Variants in DOCK11 observed in about 807,000 individuals in gnomAD.
The protein encoded by DOCK11 is dedicator of cytokinesis protein 11.
In DOCK11, 70 loss-of-function variants were observed where a neutral mutation model predicts 169.1. That is an observed-to-expected ratio of 0.41 (90% CI 0.34 to 0.51). The LOEUF (loss-of-function observed/expected upper bound fraction) is 0.51, where lower values mean the gene tolerates loss of function less well. Ranked by LOEUF, DOCK11 falls within the 20% of genes least tolerant of loss-of-function variation. The probability of loss-of-function intolerance (pLI) is 0.10; values close to 1 mark genes in which losing one functional copy is unlikely to be tolerated. For missense variants in DOCK11, 1,166 were observed against 1,538.8 expected, an observed-to-expected ratio of 0.76 and a Z score of 4.05; for synonymous variants, 529 against 541.3, an observed-to-expected ratio of 0.98 and a Z score of 0.32.
At chrX:118,641,346 A>G in intron 39 of DOCK11, 41 bp downstream of exon 39, 1 of 989,657 alleles carries the variant, frequency 1.0e-6, no homozygotes. Flanking sequence ...ACCATTGCAA[A>G]GTAACATTAT....
intron 34 of DOCK11, among the ~76,000 whole-genome samples, chrX:118,629,711 C>T (rs930499570): frequency 5.4e-5 from 6 of 110,140 alleles, no homozygotes; most frequent in East Asian, 2.9e-4. Flanking sequence ...TGCAGTGACA[C>T]GATCAGTGCT....
At chrX:118,595,225 A>G (rs921909298) in intron 20 of DOCK11, among the ~76,000 whole-genome samples, 1 of 111,800 alleles carries the variant, frequency 8.9e-6, no homozygotes, top group African/African-American at 3.3e-5. Context: ...AGGCCACACT[A>G]TGGCAGTAGC....
At chrX:118,651,562 G>A (rs969581449) in intron 41 of DOCK11, among the ~76,000 whole-genome samples, 1 of 112,211 alleles carries the variant, frequency 8.9e-6, no homozygotes, top group African/African-American at 3.2e-5. Context: ...AACTAAAATA[G>A]ACTAGTGAAA....
In DOCK11 at chrX:118,561,530, A is replaced by G. The variant is rs747410140; in HGVS notation, c.693+13A>G. The stretch of plus-strand genomic sequence containing the variant: ...TGATGTTGTTCAGGTAAGGCCATTG[A>G]GGTAATCCTTCTCTTTTTCTAACAG... On this transcript the variant is annotated intron_variant, in intron 7 of 52. Transcript: ENST00000276202. The G allele has an allele frequency of 1.7e-6, 2 of 1,159,947 alleles. No homozygotes were observed. Among genetic ancestry groups the G allele is most frequent in the South Asian group, 4.2e-5 (2 of 48,110 alleles).
intron 1 of DOCK11, among the ~76,000 whole-genome samples, chrX:118,515,433 A>G (rs762700771): frequency 1.8e-5 from 2 of 110,687 alleles, no homozygotes; most frequent in East Asian, 5.7e-4. Flanking sequence ...GGGTTTCTTC[A>G]TGTTGGTCAG....
At position 118,598,081 on chromosome X, in the gene DOCK11, A is replaced by T. The variant is rs16995229; in HGVS notation, c.2437A>T (p.Ile813Phe). 91,185 of 1,195,728 alleles carry T rather than the reference A, an allele frequency of 0.076. 2,580 individuals are homozygous for T. The highest frequency in any genetic ancestry group is 0.084 in the Non-Finnish European group (74,284 of 885,560). The change falls in exon 22 of 53, where the codon ATT becomes TTT. Residue 813 changes from isoleucine (I) to phenylalanine (F), a missense_variant. By Grantham distance (21) the Ile-to-Phe change is conservative. Transcript: ENST00000276202. ...AGATGGTGCAAAGCCTTTGTTGAAG[A>T]TTAAAAGCCACTTAGAATCTACCAT... ...WVDGAKPLLK[I>F]KSHLESTIYT...
chrX:118,606,533 A>G (rs112860348), intron 24 of DOCK11, among the ~76,000 whole-genome samples: 7,029 of 112,234 alleles, frequency 0.063, 191 homozygotes, highest in Non-Finnish European at 0.081. Context: ...TATATTGTAG[A>G]GTAGAATGCA....
intron 48 of DOCK11, among the ~76,000 whole-genome samples, chrX:118,678,467 T>TTTTTA (rs1197468039): frequency 1.8e-5 from 2 of 111,857 alleles, no homozygotes; most frequent in Non-Finnish European, 3.8e-5. Flanking sequence ...TTTTCTTTTC[T>TTTTTA]TTTTATTTTA....
At chrX:118,504,072 C>T (rs1163574129) in intron 1 of DOCK11, among the ~76,000 whole-genome samples, 3 of 110,813 alleles carry the variant, frequency 2.7e-5, no homozygotes, top group African/African-American at 9.9e-5. Context: ...CGCAAATAAC[C>T]TACAGAAGAT....
chrX:118,674,411 G>C (rs189953665), intron 46 of DOCK11, among the ~76,000 whole-genome samples: 14 of 112,275 alleles, frequency 1.2e-4, no homozygotes, highest in Admixed American at 9.4e-4. Flanking sequence ...CTTCCAAAGT[G>C]CTGGGATTAC....
At chrX:118,676,084 T>A in intron 47 of DOCK11, 35 bp downstream of exon 47, 1 of 966,879 alleles carries the variant, frequency 1.0e-6, no homozygotes, top group Non-Finnish European at 1.5e-6. Context: ...TTTTCCTTTT[T>A]AAACATTCAC....
intron 1 of DOCK11, among the ~76,000 whole-genome samples, chrX:118,496,430 G>C (rs1008548902): frequency 1.6e-4 from 18 of 112,883 alleles, no homozygotes; most frequent in African/African-American, 5.8e-4. Context: ...CAAAGAGCCG[G>C]GGACAAGGGC....
At chrX:118,543,150 G>T in intron 3 of DOCK11, 135 bp downstream of exon 3, 1 of 500,679 alleles carries the variant, frequency 2.0e-6, no homozygotes, top group Non-Finnish European at 3.1e-6. Flanking sequence ...TTCCTTTAAT[G>T]TAAAGGTAAA....
At chrX:118,557,535 G>A (rs1235146461) in intron 6 of DOCK11, among the ~76,000 whole-genome samples, 1 of 110,082 alleles carries the variant, frequency 9.1e-6, no homozygotes, top group Non-Finnish European at 1.9e-5. Context: ...TTGGGAGGCT[G>A]AGGTGGGTGG....
chrX:118,516,330 C>T (rs1485753909), intron 1 of DOCK11, among the ~76,000 whole-genome samples: 4 of 106,825 alleles, frequency 3.7e-5, no homozygotes, highest in Non-Finnish European at 7.7e-5. Flanking sequence ...CTCCTGACCT[C>T]GTAATCTGCC....
chrX:118,574,010 A>T lies in DOCK11; in HGVS notation c.1381A>T (p.Ile461Leu). 8.3e-7 allele frequency: 1 copy of T among 1,208,571 alleles called. No individual in the cohort carries two copies. The change falls in exon 12 of 53, where the codon ATA becomes TTA. Residue 461 changes from isoleucine to leucine, a missense_variant. Physicochemically the swap from Ile to Leu is conservative, Grantham distance 5 (BLOSUM62 2). Coordinates refer to ENST00000276202, the MANE Select transcript of DOCK11 (RefSeq NM_144658.4). ...AATTGCCGAATCTCAGTTACGCTAC[A>T]TACAACAGGTAACGAATGACCTTTA... Reference protein sequence around the residue: ...HGIAESQLRYIQQGIFSVTNP... With the variant: ...HGIAESQLRYLQQGIFSVTNP...
At chrX:118,529,052 C>T (rs898340487) in intron 1 of DOCK11, among the ~76,000 whole-genome samples, 6 of 108,096 alleles carry the variant, frequency 5.6e-5, no homozygotes, top group Non-Finnish European at 9.6e-5. Flanking sequence ...GGCGCGATCT[C>T]GGCTCACTGC....
intron 1 of DOCK11, among the ~76,000 whole-genome samples, chrX:118,520,333 G>C (rs1020125949): frequency 1.8e-5 from 2 of 112,334 alleles, no homozygotes; most frequent in African/African-American, 3.2e-5. Flanking sequence ...GCTGTACTCT[G>C]TGTACCATAG....
At position 118,618,700 on chromosome X, in the gene DOCK11, A is replaced by G; in HGVS notation, c.3443A>G (p.His1148Arg). ...GTTATAAAGAATCTTTTGATAAAACATGCATTTGACACAAGATACCAGCAC... is the reference window on the plus strand; with the variant it reads ...GTTATAAAGAATCTTTTGATAAAACGTGCATTTGACACAAGATACCAGCAC... The part of the protein sequence containing the change: ...ISVIKNLLIK[H>R]AFDTRYQHKN... The change falls in exon 31 of 53, where the codon CAT becomes CGT. Residue 1148 changes from histidine to arginine, a missense_variant. Physicochemically the swap from His to Arg is conservative, Grantham distance 29 (BLOSUM62 0). Transcript: ENST00000276202. 1 of 1,208,316 alleles carries G rather than the reference A, an allele frequency of 8.3e-7. No homozygotes were observed. Among genetic ancestry groups the G allele is most frequent in the Non-Finnish European group, 1.1e-6 (1 of 893,283 alleles).
Sources: allele counts gnomAD v4.1 joint callset (sites outside exome capture counted in the v4.1 genomes callset), GRCh38; gene constraint gnomAD v4.1.1; transcripts MANE v1.5; gene names NCBI Gene and HGNC (gene_info 2026-07-23, HGNC 2026-07-21).